Variants in EFL1 observed in about 807,000 individuals in gnomAD.
EFL1 encodes the protein elongation factor like GTPase 1, also known as elongation factor-like GTPase 1.
In EFL1, 76 loss-of-function variants were observed where a neutral mutation model predicts 126.7. The ratio of observed to expected loss-of-function variants is 0.60; its 90% CI spans 0.50 to 0.73. The LOEUF is 0.73. EFL1 is among the 30% of genes least tolerant of loss of function. EFL1 has a pLI of 0.00. For missense variants in EFL1, 1,128 were observed against 1,343.2 expected, an observed-to-expected ratio of 0.84 and a Z score of 2.50; for synonymous variants, 410 against 448.4, an observed-to-expected ratio of 0.91 and a Z score of 1.08.
chr15:82,176,568 T>C (rs987205869), intron 15 of EFL1, among the ~76,000 whole-genome samples: 4 of 152,166 alleles, frequency 2.6e-5, no homozygotes, highest in African/African-American at 7.2e-5. Context: ...GGTCAATATA[T>C]AAATGAAAAG....
chr15:82,153,800 G>C (rs1211288137), intron 17 of EFL1, among the ~76,000 whole-genome samples: 1 of 152,094 alleles, frequency 6.6e-6, no homozygotes, highest in African/African-American at 2.4e-5. Context: ...AATAATCTAT[G>C]TAGCCACTTT....
At chr15:82,177,779 C>T (rs1162361148) in intron 15 of EFL1, among the ~76,000 whole-genome samples, 4 of 152,210 alleles carry the variant, frequency 2.6e-5, no homozygotes, top group Non-Finnish European at 4.4e-5. Context: ...TCCACTTTTA[C>T]CATCTACCAC....
intron 15 of EFL1, among the ~76,000 whole-genome samples, chr15:82,198,688 G>C (rs1273458582): frequency 6.6e-6 from 1 of 152,156 alleles, no homozygotes; most frequent in African/African-American, 2.4e-5. Context: ...AGGAGAGAAA[G>C]GAAGGCCATA....
chr15:82,171,576 A>G (rs1191081144), intron 15 of EFL1, among the ~76,000 whole-genome samples: 1 of 152,226 alleles, frequency 6.6e-6, no homozygotes, highest in East Asian at 1.9e-4. Flanking sequence ...CAAAGGCCTA[A>G]ATGTGAAACA....
At chr15:82,145,478 T>A (rs985351968) in intron 18 of EFL1, among the ~76,000 whole-genome samples, 3 of 151,848 alleles carry the variant, frequency 2.0e-5, no homozygotes, top group Non-Finnish European at 4.4e-5. Context: ...ATTAAAATTA[T>A]TTTAAAATAA....
chr15:82,194,479 T>C (rs1017612286), intron 15 of EFL1, among the ~76,000 whole-genome samples: 3 of 152,082 alleles, frequency 2.0e-5, no homozygotes, highest in African/African-American at 7.2e-5. Flanking sequence ...CAGCTACTAA[T>C]AGAAATAAAA....
chr15:82,237,035 C>T (rs1265793100), intron 7 of EFL1, among the ~76,000 whole-genome samples: 1 of 152,104 alleles, frequency 6.6e-6, no homozygotes, highest in Non-Finnish European at 1.5e-5. Context: ...CCCAGCTACT[C>T]AGGAGGCTGA....
intron 4 of EFL1, among the ~76,000 whole-genome samples, chr15:82,245,651 T>G (rs1174181381): frequency 6.6e-6 from 1 of 152,004 alleles, no homozygotes; most frequent in Non-Finnish European, 1.5e-5. Context: ...GTGTCAAAAC[T>G]GAGATGGGGT....
At chr15:82,241,210 C>T in intron 5 of EFL1, 60 bp downstream of exon 5, 1 of 1,590,302 alleles carries the variant, frequency 6.3e-7, no homozygotes, top group South Asian at 1.1e-5. Flanking sequence ...TAAAGTCAGT[C>T]AGTTCCCCCT....
intron 15 of EFL1, among the ~76,000 whole-genome samples, chr15:82,214,278 A>G (rs2074620227): frequency 2.0e-5 from 3 of 152,258 alleles, no homozygotes. Context: ...AACGACGATC[A>G]ACTAATCTTA....
At chr15:82,162,541 A>G (rs557243326) in intron 16 of EFL1, among the ~76,000 whole-genome samples, 1 of 152,328 alleles carries the variant, frequency 6.6e-6, no homozygotes, top group African/African-American at 2.4e-5. Flanking sequence ...CAAAATCACG[A>G]AAGGCCAGGA....
intron 14 of EFL1, among the ~76,000 whole-genome samples, chr15:82,218,448 G>A (rs1173818236): frequency 1.3e-5 from 2 of 152,102 alleles, no homozygotes; most frequent in South Asian, 2.1e-4. Flanking sequence ...CTGTAGCAAA[G>A]ACACATTATG....
intron 7 of EFL1, among the ~76,000 whole-genome samples, chr15:82,232,060 A>C (rs1334221353): frequency 6.6e-6 from 1 of 152,202 alleles, no homozygotes; most frequent in Non-Finnish European, 1.5e-5. Flanking sequence ...GGCAGGCTGC[A>C]ACCTGCCATG....
chr15:82,169,369 T>C (rs1307945883), intron 15 of EFL1, among the ~76,000 whole-genome samples: 1 of 152,050 alleles, frequency 6.6e-6, no homozygotes, highest in Non-Finnish European at 1.5e-5. Context: ...GGTCTGGCTT[T>C]CTTATGATCC....
chr15:82,218,635 T>TA (rs1381196287), intron 14 of EFL1, among the ~76,000 whole-genome samples: 2 of 152,202 alleles, frequency 1.3e-5, no homozygotes, highest in Non-Finnish European at 2.9e-5. Context: ...CGTAGATGTA[T>TA]AAAAAATCAT....
intron 19 of EFL1, among the ~76,000 whole-genome samples, chr15:82,138,041 T>C (rs1300639220): frequency 1.3e-5 from 2 of 152,224 alleles, no homozygotes; most frequent in East Asian, 3.9e-4. Flanking sequence ...TAAGTTTTCC[T>C]TTCTGATTAC....
intron 7 of EFL1, among the ~76,000 whole-genome samples, chr15:82,235,321 AC>A (rs1488377570): frequency 6.6e-6 from 1 of 152,224 alleles, no homozygotes; most frequent in Non-Finnish European, 1.5e-5. Flanking sequence ...AGCTAGACTA[AC>A]TTTTGCTACT....
chr15:82,153,126 T>C (rs1325981596), intron 17 of EFL1, among the ~76,000 whole-genome samples: 1 of 152,200 alleles, frequency 6.6e-6, no homozygotes, highest in African/African-American at 2.4e-5. Flanking sequence ...TTTTTAATTG[T>C]ATTTGATTTT....
At chr15:82,250,647 T>C (rs1455287721) in intron 4 of EFL1, among the ~76,000 whole-genome samples, 2 of 151,770 alleles carry the variant, frequency 1.3e-5, no homozygotes, top group Admixed American at 6.6e-5. Context: ...ACATACAGGA[T>C]AATAGTGGAA....
Sources: gnomAD v4.1 joint callset for allele counts (sites outside exome capture counted in the v4.1 genomes callset) on GRCh38, gnomAD v4.1.1 for gene constraint, MANE v1.5 for transcripts, NCBI Gene and HGNC (gene_info 2026-07-23, HGNC 2026-07-21) for gene names.